KCNQ1OT1: variants seen among roughly 807,000 people sequenced by gnomAD.
KCNQ1OT1 encodes the protein KCNQ1 opposite strand/antisense transcript 1, also known as KCNQ1 antisense RNA 2 (non-protein coding).
rs759364552 is a variant in KCNQ1OT1, at chr11:2,617,286, TTTTTTC to T, written n.82703_82708del. The T allele has an allele frequency of 1.5e-4, 58 of 398,336 alleles. No homozygotes were observed. The highest frequency in any genetic ancestry group is 2.3e-4 in the Non-Finnish European group (53 of 225,954). The allele number at this position is 398,336 out of a possible 1,614,324, so 24.7% of individuals were successfully genotyped here. ...TTTATTCTATCTCTGTATATTTGAC[TTTTTTC>T]TTTTTAAGATTCTACATATAGGTGA... On this transcript the variant is annotated non_coding_transcript_exon_variant, in exon 1 of 1. Transcript: ENST00000597346. The surrounding 1 kb of genome is among the most constrained non-coding windows in gnomAD (Gnocchi z 4.6).
chr11:2,664,225 G>A lies in KCNQ1OT1; in HGVS notation n.35770C>T, dbSNP rs1850021864. 7.5e-6 allele frequency: 3 copies of A among 398,932 alleles called. No individual in the cohort carries two copies. The highest frequency in any genetic ancestry group is 1.3e-5 in the Non-Finnish European group (3 of 226,384). 24.7% of individuals were successfully genotyped at this position (398,932 alleles called of 1,614,324 possible). On this transcript the variant is annotated non_coding_transcript_exon_variant, in exon 1 of 1. Transcript: ENST00000597346. This position sits in a 1 kb window ranked among gnomAD's most constrained non-coding sequence, Gnocchi z 5.1. ...GAAGGAGCCCAGGCATGGGGCTTGG[G>A]GTGAGGGATCTGAAGAGGGGACTGG...
rs1458511867 is a variant in KCNQ1OT1 at position 2,676,653 on chromosome 11, T to G, written n.23342A>C. On this transcript the variant is annotated non_coding_transcript_exon_variant, in exon 1 of 1. Coordinates refer to ENST00000597346, the Ensembl canonical transcript of KCNQ1OT1. This position sits in a 1 kb window ranked among gnomAD's most constrained non-coding sequence, Gnocchi z 4.2. ...CACAGATTCACAGATAGATAGTTCA[T>G]TAAGGTCTTGAGTATTTCCAAGGGA... The G allele has an allele frequency of 2.5e-6, 1 of 398,522 alleles. No homozygotes were observed. Among genetic ancestry groups the G allele is most frequent in the Middle Eastern group, 6.2e-4 (1 of 1,610 alleles). 24.7% of individuals were successfully genotyped at this position (398,522 alleles called of 1,614,324 possible). A position where few individuals can be genotyped will look rare whatever the true frequency, so the allele number is the denominator to read the frequency against.
At chr11:2,640,252 C>T in exon 1 of KCNQ1OT1, 3 of 397,188 alleles carry the variant, frequency 7.6e-6, no homozygotes, top group Non-Finnish European at 1.3e-5. Context: ...TGAGATGAAC[C>T]CACTACCTCA....
At chr11:2,625,357 G>A (rs781738450) in exon 1 of KCNQ1OT1, 1 of 398,588 alleles carries the variant, frequency 2.5e-6, no homozygotes, top group Non-Finnish European at 4.4e-6. Flanking sequence ...CTGGGCTTAG[G>A]CTATCCTCCC....
exon 1 of KCNQ1OT1, chr11:2,684,692 G>C (rs1320864266): frequency 2.5e-6 from 1 of 398,526 alleles, no homozygotes; most frequent in African/African-American, 2.1e-5. Flanking sequence ...GGCCAACTGA[G>C]CACTTGCTCA....
chr11:2,648,354 G>C (rs1276926148), exon 1 of KCNQ1OT1: 1 of 398,294 alleles, frequency 2.5e-6, no homozygotes, highest in Non-Finnish European at 4.4e-6. Context: ...CTTGAGATGC[G>C]TTTATTAGGT....
exon 1 of KCNQ1OT1, chr11:2,640,562 CTTTT>C (rs58881533): frequency 9.5e-4 from 360 of 377,598 alleles, no homozygotes; most frequent in African/African-American, 4.2e-3. Context: ...CTGGGATTTC[CTTTT>C]TTTTTTTTTT....
exon 1 of KCNQ1OT1, chr11:2,628,233 A>T (rs1278008745): frequency 5.0e-6 from 2 of 398,510 alleles, no homozygotes; most frequent in Non-Finnish European, 8.8e-6. Flanking sequence ...TAATGACTGT[A>T]TCAATTTACA....
exon 1 of KCNQ1OT1, chr11:2,688,955 G>T (rs1850543474): frequency 5.0e-6 from 2 of 398,800 alleles, no homozygotes; most frequent in Admixed American, 8.8e-5. Context: ...CTGGGCCTAG[G>T]GCTCTGAGAG....
Position 2,683,865 on chromosome 11 carries a change from A to C in KCNQ1OT1, n.16130T>G. ...CCTCCCTGGCCCCACACTCACTGCT[A>C]CATCTCTCTTCCAAATCATAAATGC... On this transcript the variant is annotated non_coding_transcript_exon_variant, in exon 1 of 1. Transcript: ENST00000597346. The surrounding 1 kb of genome is among the most constrained non-coding windows in gnomAD (Gnocchi z 4.7). 1 of 398,288 alleles carries C rather than the reference A, an allele frequency of 2.5e-6. No individual in the cohort carries two copies. The highest frequency in any genetic ancestry group is 2.1e-5 in the African/African-American group (1 of 48,634). 24.7% of individuals were successfully genotyped at this position (398,288 alleles called of 1,614,324 possible). A position where few individuals can be genotyped will look rare whatever the true frequency, so the allele number is the denominator to read the frequency against.
In KCNQ1OT1 at chr11:2,671,202, G is replaced by C. The variant is rs1240550152; in HGVS notation, n.28793C>G. On this transcript the variant is annotated non_coding_transcript_exon_variant, in exon 1 of 1. Transcript: ENST00000597346. This position sits in a 1 kb window ranked among gnomAD's most constrained non-coding sequence, Gnocchi z 4.7. ...AGGAGAAAAGGAAAGAAAAATAAAAGGTAGAGAGACAGAGGTAGACAGGAG... is the reference window on the plus strand; with the variant it reads ...AGGAGAAAAGGAAAGAAAAATAAAACGTAGAGAGACAGAGGTAGACAGGAG... 7.5e-6 allele frequency: 3 copies of C among 398,466 alleles called. No homozygotes were observed. Among genetic ancestry groups the C allele is most frequent in the Non-Finnish European group, 1.3e-5 (3 of 226,080 alleles). The allele number at this position is 398,466 out of a possible 1,614,324, so 24.7% of individuals were successfully genotyped here.
chr11:2,681,550 C>T (rs1230291622), exon 1 of KCNQ1OT1: 1 of 398,380 alleles, frequency 2.5e-6, no homozygotes, highest in Non-Finnish European at 4.4e-6. Flanking sequence ...AGGAACTTAC[C>T]CTTTTCTAGA....
chr11:2,620,485 G>T lies in KCNQ1OT1; in HGVS notation n.79510C>A, dbSNP rs1423594992. On this transcript the variant is annotated non_coding_transcript_exon_variant, in exon 1 of 1. Transcript: ENST00000597346. The surrounding 1 kb of genome is among the most constrained non-coding windows in gnomAD (Gnocchi z 4.5). ...CCCGCCTTGGCCTCCCAAAGTGCTG[G>T]GATTACAGGTGAGAGCTACCGCACC... The T allele has an allele frequency of 8.5e-6, 3 of 351,982 alleles. No individual in the cohort carries two copies. Among genetic ancestry groups the T allele is most frequent in the Admixed American group, 4.7e-5 (1 of 21,092 alleles). The allele number at this position is 351,982 out of a possible 1,614,324, so 21.8% of individuals were successfully genotyped here.
Position 2,646,519 on chromosome 11 carries a change from A to AT in KCNQ1OT1, n.53475dup, listed in dbSNP as rs1259379376. ...TTGCTGTTTCACAGAAATGCTACTG[A>AT]TTTTTTGGGGGAGGCAGGGGAGTGC... On this transcript the variant is annotated non_coding_transcript_exon_variant, in exon 1 of 1. Coordinates refer to ENST00000597346, the Ensembl canonical transcript of KCNQ1OT1. 2.2e-4 allele frequency: 86 copies of AT among 398,164 alleles called. No individual in the cohort carries two copies. Among genetic ancestry groups the AT allele is most frequent in the Non-Finnish European group, 3.5e-4 (79 of 225,992 alleles). 24.7% of individuals were successfully genotyped at this position (398,164 alleles called of 1,614,324 possible).
chr11:2,684,231 C>T (rs1401222639), exon 1 of KCNQ1OT1: 2 of 398,506 alleles, frequency 5.0e-6, no homozygotes, highest in East Asian at 3.6e-5. Flanking sequence ...TGTTAACTGA[C>T]CCTACCCAGT....
Position 2,681,180 on chromosome 11 carries a change from GAA to G in KCNQ1OT1, n.18813_18814del, listed in dbSNP as rs1850390252. 1.0e-5 allele frequency: 4 copies of G among 398,570 alleles called. 1 individual carries two copies. In the South Asian group the frequency reaches 3.8e-4, roughly 38 times the overall value. The allele number at this position is 398,570 out of a possible 1,614,324, so 24.7% of individuals were successfully genotyped here. On this transcript the variant is annotated non_coding_transcript_exon_variant, in exon 1 of 1. Coordinates refer to ENST00000597346, the Ensembl canonical transcript of KCNQ1OT1. ...TACTTCTGAATGCTAAGAGGGTTTG[GAA>G]AAAGTCATTTTTGCAGTGTTTGTGT... is the stretch of plus-strand genomic sequence containing the variant.
In KCNQ1OT1 at chr11:2,645,311, C is replaced by T; in HGVS notation, n.54684G>A. On this transcript the variant is annotated non_coding_transcript_exon_variant, in exon 1 of 1. Transcript: ENST00000597346. This position sits in a 1 kb window ranked among gnomAD's most constrained non-coding sequence, Gnocchi z 5.8. The stretch of plus-strand genomic sequence containing the variant: ...GCCCCCAGGAGTGCTCAGGTGCCAA[C>T]AATACTGGATAGGGCAGGGTGATCC... The T allele has an allele frequency of 2.5e-6, 1 of 398,668 alleles. No homozygotes were observed. Among genetic ancestry groups the T allele is most frequent in the Admixed American group, 4.4e-5 (1 of 22,736 alleles). The allele number at this position is 398,668 out of a possible 1,614,324, so 24.7% of individuals were successfully genotyped here.
chr11:2,689,542 C>A, exon 1 of KCNQ1OT1: 1 of 398,648 alleles, frequency 2.5e-6, no homozygotes, highest in Non-Finnish European at 4.4e-6. Flanking sequence ...GAAGCTTGCA[C>A]AGGAAGAACA....
In KCNQ1OT1 at chr11:2,690,641, ATT is replaced by A. The variant is rs1471480453; in HGVS notation, n.9352_9353del. On this transcript the variant is annotated non_coding_transcript_exon_variant, in exon 1 of 1. Transcript: ENST00000597346. The surrounding 1 kb of genome is among the most constrained non-coding windows in gnomAD (Gnocchi z 5.1). ...TGTTCATATATGTGTCAGAATGCGT[ATT>A]TGTCAGTGTATGTGTGTCAGTGCAC... The A allele has an allele frequency of 2.5e-6, 1 of 398,470 alleles. No homozygotes were observed. The highest frequency in any genetic ancestry group is 4.4e-6 in the Non-Finnish European group (1 of 226,084). 24.7% of individuals were successfully genotyped at this position (398,470 alleles called of 1,614,324 possible).
Sources: allele counts gnomAD v4.1 joint callset, GRCh38; gene constraint gnomAD v4.1.1; non-coding constraint Gnocchi (gnomAD v3.1); transcripts MANE v1.5; gene names NCBI Gene and HGNC (gene_info 2026-07-23, HGNC 2026-07-21).